The following AP1M2 variants were observed in gnomAD, a reference collection of about 807,000 sequenced individuals.
The protein encoded by AP1M2 is AP-1 complex subunit mu-2.
Under a neutral mutation model 54.6 loss-of-function variants are expected in AP1M2, and 41 were observed. The observed-to-expected ratio is 0.75, with a 90% CI of 0.59 to 0.97. The LOEUF (loss-of-function observed/expected upper bound fraction) is 0.97, where lower values mean the gene tolerates loss of function less well. Among genes scored for constraint, AP1M2 ranks in the 50% least tolerant of loss-of-function variants. AP1M2 has a pLI of 0.00. For synonymous variants in AP1M2, 219 were observed against 215.9 expected (o/e 1.01, Z -0.13); for missense variants, 507 against 561.2 (o/e 0.90, Z 0.98).
chr19:10,580,781 A>T (rs775854841), intron 6 of AP1M2, among the ~76,000 whole-genome samples: 1 of 152,012 alleles, frequency 6.6e-6, no homozygotes, highest in Non-Finnish European at 1.5e-5. Context: ...TGGGCAACAT[A>T]GCGAGACCCC....
intron 8 of AP1M2, among the ~76,000 whole-genome samples, chr19:10,577,637 A>T (rs1599548735): frequency 6.7e-6 from 1 of 149,336 alleles, no homozygotes; most frequent in East Asian, 2.0e-4. Flanking sequence ...GGGTTTCAGC[A>T]TGTTAGCCAG....
rs1917465047 is a variant in AP1M2 at position 10,581,607 on chromosome 19, C to T, written c.426G>A (p.Leu142=). 1 of 1,613,956 alleles carries T rather than the reference C, an allele frequency of 6.2e-7. No individual in the cohort carries two copies. Among genetic ancestry groups the T allele is most frequent in the Non-Finnish European group, 8.5e-7 (1 of 1,179,944 alleles). ...GTGGCACCCGTGACTTGCCCGTCTC[C>T]AGCTTGTTGCTCTGCTGAGTGATGT... ...QEYITQQSNK[L]ETGKSRVPPT... is the part of the protein sequence containing the mutation. Residue 142 remains leucine (L), a synonymous_variant, in exon 5 of 12, where the codon CTG becomes CTA. Transcript: ENST00000250244.
At chr19:10,574,083 C>T (rs1356905279) in intron 11 of AP1M2, among the ~76,000 whole-genome samples, 1 of 152,148 alleles carries the variant, frequency 6.6e-6, no homozygotes, top group Non-Finnish European at 1.5e-5. Context: ...AGTGCAGTGG[C>T]ACGATCTCAG....
chr19:10,586,591 G>A (rs184903419), intron 1 of AP1M2, among the ~76,000 whole-genome samples: 20 of 152,134 alleles, frequency 1.3e-4, no homozygotes, highest in Admixed American at 1.3e-3. Flanking sequence ...AATTAGCCAG[G>A]CATGGTGGCC....
chr19:10,580,214 G>A (rs2144762926), intron 6 of AP1M2, among the ~76,000 whole-genome samples: 1 of 152,124 alleles, frequency 6.6e-6, no homozygotes, highest in East Asian at 1.9e-4. Context: ...ACCACCCCCG[G>A]CTAATTTTGT....
rs11542916 is a variant in AP1M2 at position 10,584,044 on chromosome 19, G to C, written c.69C>G (p.Gly23=). Reference sequence around the variant, plus strand: ...GCTCAATCTTGCTCATGGCCACATCGCCCTTGTAGTTGCGGCTGATCAATG... The same window carrying C: ...GCTCAATCTTGCTCATGGCCACATCCCCCTTGTAGTTGCGGCTGATCAATG... ...GKPLISRNYK[G]DVAMSKIEHF... The change falls in exon 2 of 12, where the codon GGC becomes GGG. Residue 23 remains glycine (G), a synonymous_variant. Transcript: ENST00000250244. 4.3e-6 allele frequency: 7 copies of C among 1,610,710 alleles called. No homozygotes were observed. In the Admixed American group the frequency reaches 1.2e-4, roughly 27 times the overall value.
chr19:10,579,041 T>C, intron 7 of AP1M2, 78 bp from the exon 8 acceptor site: 2 of 1,162,294 alleles, frequency 1.7e-6, no homozygotes, highest in Non-Finnish European at 2.4e-6. Context: ...TTTTCTTTCT[T>C]TGAGACAGAG....
intron 7 of AP1M2, among the ~76,000 whole-genome samples, chr19:10,579,462 C>T (rs1004132235): frequency 1.3e-5 from 2 of 152,138 alleles, no homozygotes; most frequent in Non-Finnish European, 2.9e-5. Flanking sequence ...TAAAGCAATT[C>T]TCCTGCCTCA....
intron 6 of AP1M2, among the ~76,000 whole-genome samples, chr19:10,580,793 G>A (rs768701445): frequency 5.3e-5 from 8 of 151,738 alleles, no homozygotes; most frequent in Non-Finnish European, 8.8e-5. Flanking sequence ...CGAGACCCCC[G>A]TCTCTATAAA....
chr19:10,572,849 G>T lies in AP1M2; in HGVS notation c.*217C>A. On this transcript the variant is annotated 3_prime_UTR_variant, in exon 12 of 12. Coordinates refer to ENST00000250244, the MANE Select transcript of AP1M2 (RefSeq NM_005498.5). ...TTCTTCATATAAAATCAGGGGGATG[G>T]GGAAAGCTCCAAGGGCGAGGGAAGC... The T allele has an allele frequency of 2.1e-6, 1 of 485,890 alleles. No homozygotes were observed. The highest frequency in any genetic ancestry group is 5.6e-4 in the Middle Eastern group (1 of 1,776). 30.1% of individuals were successfully genotyped at this position (485,890 alleles called of 1,614,324 possible). A position where few individuals can be genotyped will look rare whatever the true frequency, so the allele number is the denominator to read the frequency against.
intron 9 of AP1M2, among the ~76,000 whole-genome samples, chr19:10,575,382 T>C (rs575616848): frequency 2.0e-5 from 3 of 152,114 alleles, no homozygotes; most frequent in Admixed American, 6.6e-5. Context: ...TCAGGGTTTT[T>C]TTCTTTTTTT....
At chr19:10,579,633 C>T (rs975418113) in intron 7 of AP1M2, 83 bp downstream of exon 7, 13 of 1,449,408 alleles carry the variant, frequency 9.0e-6, no homozygotes, top group South Asian at 6.9e-5. Flanking sequence ...GGATTACAGG[C>T]GTGAGCCACT....
chr19:10,572,777 A>C lies in AP1M2; in HGVS notation c.*289T>G. 1 of 352,176 alleles carries C rather than the reference A, an allele frequency of 2.8e-6. No homozygotes were observed. The highest frequency in any genetic ancestry group is 5.3e-6 in the Non-Finnish European group (1 of 189,476). The allele number at this position is 352,176 out of a possible 1,614,324, so 21.8% of individuals were successfully genotyped here. A position where few individuals can be genotyped will look rare whatever the true frequency, so the allele number is the denominator to read the frequency against. The stretch of plus-strand genomic sequence containing the variant: ...ACCCGCAACACCCGCTAAGGCAGGT[A>C]ATTGCAAGAAGGCACTCGCGAGGAG... On this transcript the variant is annotated 3_prime_UTR_variant, in exon 12 of 12. Transcript: ENST00000250244.
intron 9 of AP1M2, among the ~76,000 whole-genome samples, chr19:10,576,553 T>C (rs1446159978): frequency 6.6e-6 from 1 of 151,622 alleles, no homozygotes; most frequent in Admixed American, 6.6e-5. Flanking sequence ...TGAGCCACCG[T>C]GCCCTGCCCT....
At chr19:10,577,732 G>GC (rs1039173724) in intron 8 of AP1M2, among the ~76,000 whole-genome samples, 6 of 126,982 alleles carry the variant, frequency 4.7e-5, no homozygotes, top group African/African-American at 1.8e-4. Flanking sequence ...ACCATGCTTG[G>GC]CCTTTTTTTT....
At chr19:10,576,690 T>C (rs919083219) in intron 9 of AP1M2, among the ~76,000 whole-genome samples, 4 of 151,634 alleles carry the variant, frequency 2.6e-5, no homozygotes, top group Admixed American at 1.3e-4. Context: ...TGAGCCACCA[T>C]GTCTGGCCTT....
chr19:10,583,777 T>G (rs778390829), intron 2 of AP1M2, 104 bp from the exon 3 acceptor site: 2 of 1,479,616 alleles, frequency 1.4e-6, no homozygotes, highest in Non-Finnish European at 1.8e-6. Flanking sequence ...CATCTCTACC[T>G]GCCCCTGCCC....
chr19:10,577,039 C>T (rs1486034370), intron 9 of AP1M2, among the ~76,000 whole-genome samples, 159 bp downstream of exon 9: 1 of 152,034 alleles, frequency 6.6e-6, no homozygotes, highest in Non-Finnish European at 1.5e-5. Context: ...GCGATCTGCC[C>T]GTGTCAGCCT....
In AP1M2 at chr19:10,579,785, G is replaced by A. The variant is rs368763595; in HGVS notation, c.747C>T (p.Asn249=). ...HQCVRLSRFD[N]DRTISFIPPD... ...GCGGGATGAAGGAGATGGTGCGGTC[G>A]TTGTCAAAGCGAGAGAGCCGCACGC... Residue 249 remains asparagine (N), a synonymous_variant, in exon 7 of 12, where the codon AAC becomes AAT. Coordinates refer to ENST00000250244, the MANE Select transcript of AP1M2 (RefSeq NM_005498.5). 25 of 1,613,808 alleles carry A rather than the reference G, an allele frequency of 1.5e-5. No individual in the cohort carries two copies. The highest frequency in any genetic ancestry group is 4.5e-5 in the East Asian group (2 of 44,872).
Sources: gnomAD v4.1 joint callset for allele counts (sites outside exome capture counted in the v4.1 genomes callset) on GRCh38, gnomAD v4.1.1 for gene constraint, MANE v1.5 for transcripts, NCBI Gene and HGNC (gene_info 2026-07-23, HGNC 2026-07-21) for gene names.